Variants in RUFY4 observed in about 807,000 individuals in gnomAD.
RUFY4 encodes RUN and FYVE domain containing 4.
A neutral mutation model predicts 69.0 loss-of-function variants in RUFY4; 73 were observed. The ratio of observed to expected loss-of-function variants is 1.06; its 90% CI spans 0.88 to 1.29. RUFY4 has a LOEUF of 1.29. Ranked by LOEUF, RUFY4 falls within the 50% of genes most tolerant of loss-of-function variation. RUFY4 has a pLI of 0.00. For missense variants in RUFY4, 770 were observed against 705.6 expected (o/e 1.09, Z -1.03); for synonymous variants, 287 against 271.8 (o/e 1.06, Z -0.55).
At chr2:218,048,011 G>C (rs1688868251) in intron 2 of RUFY4, among the ~76,000 whole-genome samples, 2 of 152,120 alleles carry the variant, frequency 1.3e-5, no homozygotes, top group African/African-American at 4.8e-5. Flanking sequence ...ATTTATTTCT[G>C]CTTTCAGGTC....
upstream of RUFY4, chr2:218,069,565 G>A (rs1689431660): frequency 6.6e-6 from 1 of 152,266 alleles, no homozygotes; most frequent in Non-Finnish European, 1.5e-5. Context: ...GAAGGTGAGT[G>A]ATTTGCCGGA....
chr2:218,089,264 C>T (rs1689971384), exon 10 of RUFY4: 1 of 1,613,694 alleles, frequency 6.2e-7, no homozygotes, highest in Non-Finnish European at 8.5e-7. Flanking sequence ...AGAAGGACCG[C>T]CTGTGGCAGA....
intron 9 of RUFY4, among the ~76,000 whole-genome samples, chr2:218,085,247 T>C (rs1255333938): frequency 6.6e-6 from 1 of 152,148 alleles, no homozygotes; most frequent in Non-Finnish European, 1.5e-5. Context: ...AGCACTAGTT[T>C]CCCAGTGCAA....
At chr2:218,082,780 G>T (rs1333707865) in intron 8 of RUFY4, among the ~76,000 whole-genome samples, 8 of 151,968 alleles carry the variant, frequency 5.3e-5, no homozygotes, top group Non-Finnish European at 8.8e-5. Flanking sequence ...GTATTGTGTT[G>T]TGTGTGCGTT....
chr2:218,044,179 C>T (rs1688771697), intron 2 of RUFY4, among the ~76,000 whole-genome samples: 1 of 152,278 alleles, frequency 6.6e-6, no homozygotes, highest in South Asian at 2.1e-4. Flanking sequence ...CTGTGGCACC[C>T]AGGGGTGGGG....
intron 2 of RUFY4, among the ~76,000 whole-genome samples, chr2:218,042,033 T>C (rs996123469): frequency 1.3e-4 from 20 of 152,218 alleles, no homozygotes; most frequent in Admixed American, 5.9e-4. Flanking sequence ...CAAAATTGCA[T>C]AGTCTTTGTA....
intron 3 of RUFY4, among the ~76,000 whole-genome samples, chr2:218,063,423 G>A (rs188219863): frequency 1.3e-4 from 20 of 152,330 alleles, no homozygotes; most frequent in Admixed American, 1.3e-3. Flanking sequence ...CACATCGCAG[G>A]TGGGAATGTA....
chr2:218,080,430 G>A (rs1689735272), intron 8 of RUFY4, among the ~76,000 whole-genome samples: 1 of 152,188 alleles, frequency 6.6e-6, no homozygotes, highest in South Asian at 2.1e-4. Context: ...AAGACATGGG[G>A]CTTCCAACAT....
chr2:218,051,768 T>G (rs1688949274), intron 2 of RUFY4, among the ~76,000 whole-genome samples: 1 of 152,174 alleles, frequency 6.6e-6, no homozygotes, highest in Non-Finnish European at 1.5e-5. Flanking sequence ...AGGGGTACCA[T>G]GGCACAGGGC....
chr2:218,075,527 G>T (rs953445223), exon 7 of RUFY4: 20 of 1,553,606 alleles, frequency 1.3e-5, no homozygotes, highest in South Asian at 2.5e-5. Context: ...TCCAGAGGCT[G>T]CTGATGCCCA....
At chr2:218,036,418 A>G (rs745490175) in intron 2 of RUFY4, among the ~76,000 whole-genome samples, 2 of 151,536 alleles carry the variant, frequency 1.3e-5, no homozygotes, top group East Asian at 3.9e-4. Context: ...ATTATCTAGC[A>G]TCCTACGACT....
intron 2 of RUFY4, among the ~76,000 whole-genome samples, chr2:218,037,960 C>T (rs1007582533): frequency 6.6e-6 from 1 of 152,118 alleles, no homozygotes; most frequent in African/African-American, 2.4e-5. Context: ...TAAACTATGG[C>T]AAACAAAATA....
upstream of RUFY4, among the ~76,000 whole-genome samples, chr2:218,066,165 ATCTTT>A (rs1207083637): frequency 9.0e-4 from 127 of 141,118 alleles, 1 homozygote; most frequent in Middle Eastern, 3.6e-3. Flanking sequence ...AGCAACTGTC[ATCTTT>A]TCTTTTCTTT....
chr2:218,082,262 C>T (rs908020069), intron 8 of RUFY4, among the ~76,000 whole-genome samples: 1 of 152,174 alleles, frequency 6.6e-6, no homozygotes, highest in Non-Finnish European at 1.5e-5. Flanking sequence ...GACAAGGTAA[C>T]ATAACTTTTT....
intron 3 of RUFY4, chr2:218,060,921 A>T (rs1490486796): frequency 1.0e-6 from 1 of 968,588 alleles, no homozygotes; most frequent in Non-Finnish European, 1.7e-6. Flanking sequence ...CCACAAACCC[A>T]GACATATGAA....
upstream of RUFY4, among the ~76,000 whole-genome samples, chr2:218,067,436 T>A (rs189333427): frequency 7.2e-5 from 11 of 152,288 alleles, no homozygotes; most frequent in East Asian, 1.2e-3. Flanking sequence ...ACCCAGTAGA[T>A]GTTTATCCAC....
At chr2:218,050,557 G>A (rs1171399266) in intron 2 of RUFY4, among the ~76,000 whole-genome samples, 1 of 152,218 alleles carries the variant, frequency 6.6e-6, no homozygotes, top group Non-Finnish European at 1.5e-5. Flanking sequence ...AGAAGCCACT[G>A]AGTGCCACTC....
chr2:218,056,229 G>GTTTTT (rs796703457), intron 2 of RUFY4, among the ~76,000 whole-genome samples: 5 of 128,798 alleles, frequency 3.9e-5, no homozygotes, highest in African/African-American at 1.4e-4. Context: ...GCTGGTTGTT[G>GTTTTT]TTTTTTTTTT....
intron 2 of RUFY4, among the ~76,000 whole-genome samples, chr2:218,057,496 T>C (rs755852184): frequency 2.6e-5 from 4 of 152,268 alleles, no homozygotes; most frequent in Non-Finnish European, 4.4e-5. Flanking sequence ...TCCGCTCATA[T>C]ACCTACCTCA....
Sources: allele counts gnomAD v4.1 joint callset (sites outside exome capture counted in the v4.1 genomes callset), GRCh38; gene constraint gnomAD v4.1.1; transcripts MANE v1.5; gene names NCBI Gene and HGNC (gene_info 2026-07-23, HGNC 2026-07-21).